U2SURP: variants seen among roughly 807,000 people sequenced by gnomAD.
U2SURP encodes the protein U2 snRNP-associated SURP motif-containing protein.
U2SURP carries 9 observed loss-of-function variants against 144.9 expected under a neutral mutation model. That is an observed-to-expected ratio of 0.06 (90% CI 0.04 to 0.11). The LOEUF (loss-of-function observed/expected upper bound fraction) is 0.11, where lower values mean the gene tolerates loss of function less well. U2SURP is among the 10% of genes least tolerant of loss of function. U2SURP has a pLI of 1.00. For missense variants in U2SURP, 724 were observed against 1,226.7 expected (o/e 0.59, Z 6.12); for synonymous variants, 408 against 396.8 (o/e 1.03, Z -0.33).
intron 22 of U2SURP, among the ~76,000 whole-genome samples, chr3:143,038,583 C>T (rs914324518): frequency 1.3e-5 from 2 of 152,034 alleles, no homozygotes; most frequent in Non-Finnish European, 2.9e-5. Context: ...GTCTTTCACA[C>T]TTACTTAGAC....
At chr3:143,048,417 G>A (rs1303041665) in intron 24 of U2SURP, among the ~76,000 whole-genome samples, 1 of 152,216 alleles carries the variant, frequency 6.6e-6, no homozygotes, top group Non-Finnish European at 1.5e-5. Flanking sequence ...CTGTGGAAGA[G>A]TCATCTTGGT....
At chr3:143,002,178 C>CA (rs1465506740) in intron 1 of U2SURP, 1 of 200,678 alleles carries the variant, frequency 5.0e-6, no homozygotes, top group East Asian at 1.8e-4. Flanking sequence ...AGGGCAAAGA[C>CA]ACGGAGTGGG....
rs1388493200 is a variant in U2SURP at position 143,059,040 on chromosome 3, G to A, written c.*2590G>A. 1 of 152,184 alleles carries A rather than the reference G, an allele frequency of 6.6e-6. No individual in the cohort carries two copies. The allele number at this position is 152,184 out of a possible 1,614,324, so 9.4% of individuals were successfully genotyped here. A position where few individuals can be genotyped will look rare whatever the true frequency, so the allele number is the denominator to read the frequency against. On this transcript the variant is annotated 3_prime_UTR_variant, in exon 28 of 28. Coordinates refer to ENST00000473835, the MANE Select transcript of U2SURP (RefSeq NM_001080415.2). ...TCTGTAGGTGAGAGAAAATAAGTAA[G>A]TCTTGATCTGTTTCTTACCAAAGAG...
At position 143,060,423 on chromosome 3, in the gene U2SURP, G is replaced by A. The variant is rs1935326159; in HGVS notation, c.*3973G>A. 1 of 151,966 alleles carries A rather than the reference G, an allele frequency of 6.6e-6. No homozygotes were observed. Among genetic ancestry groups the A allele is most frequent in the Non-Finnish European group, 1.5e-5 (1 of 67,868 alleles). The allele number at this position is 151,966 out of a possible 1,614,324, so 9.4% of individuals were successfully genotyped here. A position where few individuals can be genotyped will look rare whatever the true frequency, so the allele number is the denominator to read the frequency against. ...AGATTTATTGTTGAGCTGCTTTCCA[G>A]ATCAGACTGTCACTTTATAGTTTTT... On this transcript the variant is annotated 3_prime_UTR_variant, in exon 28 of 28. Transcript: ENST00000473835.
chr3:143,007,396 T>G (rs1352705211), intron 1 of U2SURP, among the ~76,000 whole-genome samples: 1 of 151,706 alleles, frequency 6.6e-6, no homozygotes, highest in East Asian at 1.9e-4. Flanking sequence ...TAGCTGAGAT[T>G]ATAGGCATGA....
At chr3:143,054,643 A>G (rs549234808) in intron 26 of U2SURP, among the ~76,000 whole-genome samples, 18 of 152,320 alleles carry the variant, frequency 1.2e-4, no homozygotes, top group African/African-American at 4.1e-4. Flanking sequence ...ACCACATTCA[A>G]CATTTTAAAA....
intron 6 of U2SURP, among the ~76,000 whole-genome samples, chr3:143,018,494 A>T (rs1477676566): frequency 6.6e-6 from 1 of 152,108 alleles, no homozygotes; most frequent in Middle Eastern, 3.2e-3. Flanking sequence ...TGTTAGAAAT[A>T]ATGCTGCTGT....
chr3:143,014,475 A>G (rs1578119563), intron 4 of U2SURP, 66 bp downstream of exon 4: 2 of 1,087,758 alleles, frequency 1.8e-6, no homozygotes, highest in Non-Finnish European at 1.3e-6. Context: ...TAGTAAGTGT[A>G]TTAGAGGAAT....
At position 143,043,120 on chromosome 3, in the gene U2SURP, A is replaced by G. The variant is rs1462344966; in HGVS notation, c.2388A>G (p.Gln796=). ...TGTATTCTGCTTGTTTCTAAAGTCA[A>G]GAAGAAGAAAGTGAAGATGAAGAAG... ...EESEEEENQN[Q]EEESEDEEDT... The change falls in exon 24 of 28, where the codon CAA becomes CAG. Residue 796 remains glutamine (Q), a synonymous_variant. Transcript: ENST00000473835. 8 of 1,601,278 alleles carry G rather than the reference A, an allele frequency of 5.0e-6. No individual in the cohort carries two copies. Among genetic ancestry groups the G allele is most frequent in the East Asian group, 2.2e-5 (1 of 44,726 alleles).
intron 4 of U2SURP, 98 bp downstream of exon 4, chr3:143,014,507 T>A: frequency 1.4e-6 from 1 of 710,702 alleles, no homozygotes; most frequent in Non-Finnish European, 2.2e-6. Flanking sequence ...ATTCTTAACC[T>A]CTAGGATATT....
In U2SURP at chr3:143,058,112, A is replaced by G. The variant is rs1935230705; in HGVS notation, c.*1662A>G. ...CTGATACTCAAAAACCTACAAATGTAGCCATTTAAAAAGTAACATGTTTTT... is the reference window on the plus strand; with the variant it reads ...CTGATACTCAAAAACCTACAAATGTGGCCATTTAAAAAGTAACATGTTTTT... On this transcript the variant is annotated 3_prime_UTR_variant, in exon 28 of 28. Coordinates refer to ENST00000473835, the MANE Select transcript of U2SURP (RefSeq NM_001080415.2). The G allele has an allele frequency of 6.6e-6, 1 of 152,422 alleles. No individual in the cohort carries two copies. The highest frequency in any genetic ancestry group is 6.6e-5 in the Admixed American group (1 of 15,264). The allele number at this position is 152,422 out of a possible 1,614,324, so 9.4% of individuals were successfully genotyped here.
intron 13 of U2SURP, 189 bp from the exon 14 acceptor site, chr3:143,026,960 C>A: frequency 2.2e-6 from 1 of 461,818 alleles, no homozygotes; most frequent in Non-Finnish European, 3.9e-6. Context: ...CACTTCCCTA[C>A]TCCCACTGCC....
At chr3:143,029,316 A>G (rs1485505814) in intron 16 of U2SURP, among the ~76,000 whole-genome samples, 1 of 152,220 alleles carries the variant, frequency 6.6e-6, no homozygotes, top group African/African-American at 2.4e-5. Flanking sequence ...TATAAATTGA[A>G]GGTTTGTGGC....
At chr3:143,029,970 C>G (rs924030460) in intron 16 of U2SURP, among the ~76,000 whole-genome samples, 4 of 152,168 alleles carry the variant, frequency 2.6e-5, no homozygotes, top group Admixed American at 1.3e-4. Context: ...TCTGTGGAAA[C>G]AGGTGAGGAT....
rs748442364 is a variant in U2SURP at position 143,022,858 on chromosome 3, A to T, written c.1024A>T (p.Met342Leu). ...CTTTCATTTCTTTCTTGTAGGAAAA[A>T]TGATTATGTCTTTTGAAATGAAGTT... The part of the protein sequence containing the change: ...ERALKNLNGK[M>L]IMSFEMKLGW... Residue 342 changes from methionine to leucine, a missense_variant, in exon 12 of 28, where the codon ATG (methionine) becomes TTG (leucine). Physicochemically the swap from Met to Leu is conservative, Grantham distance 15. Around this residue, in one of 13 missense-constraint regions of U2SURP, gnomAD observed 16 missense variants for 18.0 expected, o/e 0.89. Transcript: ENST00000473835. The T allele has an allele frequency of 6.0e-5, 94 of 1,560,990 alleles. No homozygotes were observed. The highest frequency in any genetic ancestry group is 5.8e-5 in the Non-Finnish European group (67 of 1,156,948).
At chr3:143,012,105 T>C in intron 2 of U2SURP, 117 bp from the exon 3 acceptor site, 1 of 1,309,022 alleles carries the variant, frequency 7.6e-7, no homozygotes. Flanking sequence ...GGATGTGATA[T>C]TTTGATAATC....
At chr3:143,033,023 A>C (rs990106544) in intron 17 of U2SURP, 77 bp downstream of exon 17, 1 of 1,477,568 alleles carries the variant, frequency 6.8e-7, no homozygotes, top group African/African-American at 1.4e-5. Flanking sequence ...TTTTGCACAA[A>C]GCACTTGACT....
intron 16 of U2SURP, among the ~76,000 whole-genome samples, chr3:143,029,634 G>T (rs535835527): frequency 6.6e-6 from 1 of 152,274 alleles, no homozygotes; most frequent in Admixed American, 6.5e-5. Context: ...ATGGCCTCTT[G>T]AGTATTCAGG....
At chr3:143,041,489 A>C (rs1934101587) in intron 23 of U2SURP, among the ~76,000 whole-genome samples, 1 of 151,958 alleles carries the variant, frequency 6.6e-6, no homozygotes, top group African/African-American at 2.4e-5. Flanking sequence ...TCTGAAGATG[A>C]AGTTAGTAAA....
Sources: allele counts gnomAD v4.1 joint callset (sites outside exome capture counted in the v4.1 genomes callset), GRCh38; gene constraint gnomAD v4.1.1; regional missense constraint gnomAD v4.1.1; transcripts MANE v1.5; gene names NCBI Gene and HGNC (gene_info 2026-07-23, HGNC 2026-07-21).